DLX4: variants seen among roughly 807,000 people sequenced by gnomAD.
DLX4 encodes homeobox protein DLX-4.
Under a neutral mutation model 17.1 loss-of-function variants are expected in DLX4, and 13 were observed. That is an observed-to-expected ratio of 0.76 (90% CI 0.49 to 1.21). The LOEUF (loss-of-function observed/expected upper bound fraction) is 1.21. DLX4 is among the 50% of genes most tolerant of loss of function. DLX4 has a pLI of 0.00. For synonymous variants in DLX4, 129 were observed against 140.3 expected (o/e 0.92, Z 0.57); for missense variants, 297 against 301.4 (o/e 0.99, Z 0.11).
chr17:49,968,854 A>G (rs981383165), upstream of DLX4: 1 of 152,278 alleles, frequency 6.6e-6, no homozygotes, highest in Non-Finnish European at 1.5e-5. Flanking sequence ...GATCCCCGAA[A>G]TCGGGAGACT....
At chr17:49,970,412 C>G (rs1159580294) in intron 1 of DLX4, among the ~76,000 whole-genome samples, 1 of 152,220 alleles carries the variant, frequency 6.6e-6, no homozygotes, top group Non-Finnish European at 1.5e-5. Flanking sequence ...GCTCATCTCT[C>G]CCTGACTACC....
intron 1 of DLX4, 98 bp downstream of exon 1, chr17:49,969,849 C>G: frequency 9.6e-7 from 1 of 1,040,268 alleles, no homozygotes; most frequent in Non-Finnish European, 1.2e-6. Context: ...TAGCGGGATT[C>G]AAACCTTCCT....
In DLX4 at chr17:49,969,486, C is replaced by A. The variant is rs754849816; in HGVS notation, c.18C>A (p.Cys6Ter). Residue 6 changes from cysteine (C) to a stop codon, truncating the protein, a stop_gained, in exon 1 of 3, where the codon TGC becomes TGA. Coordinates refer to ENST00000240306, the MANE Select transcript of DLX4 (RefSeq NM_138281.3). LOFTEE classifies it high-confidence loss of function. MTSLP[C>*]PLPGRDASKA... ...TGGCCACAATGACCTCTTTGCCCTG[C>A]CCCCTCCCCGGCCGGGACGCCTCCA... 1.3e-5 allele frequency: 20 copies of A among 1,594,216 alleles called. No homozygotes were observed. In the Admixed American group the frequency reaches 2.2e-4, roughly 18 times the overall value.
Position 49,973,964 on chromosome 17 carries a change from G to A in DLX4, c.*21G>A, listed in dbSNP as rs771379511. ...TGTGAATCTGGGGAAGGGCGGGTCA[G>A]GCCCACAGCCTTCCTGCAAAGCCCA... On this transcript the variant is annotated 3_prime_UTR_variant, in exon 3 of 3. Coordinates refer to ENST00000240306, the MANE Select transcript of DLX4 (RefSeq NM_138281.3). 7.6e-6 allele frequency: 12 copies of A among 1,581,096 alleles called. No homozygotes were observed. Among genetic ancestry groups the A allele is most frequent in the African/African-American group, 1.5e-5 (1 of 68,684 alleles).
At chr17:49,969,811 A>C in intron 1 of DLX4, 60 bp downstream of exon 1, 2 of 1,264,978 alleles carry the variant, frequency 1.6e-6, no homozygotes, top group East Asian at 4.5e-5. Flanking sequence ...GCGCCCCTAA[A>C]CTTCTCCCTC....
rs562491655 is a variant in DLX4 at position 49,972,768 on chromosome 17, G to T, written c.284-305G>T. 3.6e-6 allele frequency: 5 copies of T among 1,378,384 alleles called. No individual in the cohort carries two copies. The Admixed American group carries it at 1.4e-4, about 38-fold the overall frequency. 85.4% of individuals were successfully genotyped at this position (1,378,384 alleles called of 1,614,324 possible). A position where few individuals can be genotyped will look rare whatever the true frequency, so the allele number is the denominator to read the frequency against. Reference sequence around the variant, plus strand: ...CGTGGCTGAACTCCGACCTCCCACCGCAGGCGCCGCGGTACCCTGGCTGTG... The same window carrying T: ...CGTGGCTGAACTCCGACCTCCCACCTCAGGCGCCGCGGTACCCTGGCTGTG... On this transcript the variant is annotated intron_variant, in intron 1 of 2. Coordinates refer to ENST00000240306, the MANE Select transcript of DLX4 (RefSeq NM_138281.3). This position sits in a 1 kb window ranked among gnomAD's most constrained non-coding sequence, Gnocchi z 5.4.
rs767013351 is a variant in DLX4, at chr17:49,969,732, C to A, written c.264C>A (p.His88Gln). 3 of 1,596,888 alleles carry A rather than the reference C, an allele frequency of 1.9e-6. No individual in the cohort carries two copies. The highest frequency in any genetic ancestry group is 1.1e-5 in the South Asian group (1 of 90,606). ...AGCCCCTCTGCGGACCTGCAGAGCACCCTCAGGAACTCGAGGCAGGTAAGT... is the reference window on the plus strand; with the variant it reads ...AGCCCCTCTGCGGACCTGCAGAGCAACCTCAGGAACTCGAGGCAGGTAAGT... ...LSQPLCGPAE[H>Q]PQELEADSEK... The change falls in exon 1 of 3, where the codon CAC becomes CAA. Residue 88 changes from histidine (H) to glutamine (Q), a missense_variant. Physicochemically the swap from His to Gln is conservative, Grantham distance 24. Coordinates refer to ENST00000240306, the MANE Select transcript of DLX4 (RefSeq NM_138281.3).
At chr17:49,971,575 C>G (rs2144159835) in intron 1 of DLX4, among the ~76,000 whole-genome samples, 1 of 152,088 alleles carries the variant, frequency 6.6e-6, no homozygotes, top group Non-Finnish European at 1.5e-5. Context: ...AGGGGGTCTG[C>G]TGGGAGAGTT....
At chr17:49,973,371 C>T (rs755235771) in intron 2 of DLX4, 102 bp downstream of exon 2, 22 of 1,475,524 alleles carry the variant, frequency 1.5e-5, no homozygotes, top group Non-Finnish European at 2.0e-5. Context: ...GGTGCTGTGG[C>T]CCTGTTGTCA....
rs1268606283 is a variant in DLX4 at position 49,973,279 on chromosome 17, G to A, written c.480+10G>A. On this transcript the variant is annotated intron_variant, in intron 2 of 2. Coordinates refer to ENST00000240306, the MANE Select transcript of DLX4 (RefSeq NM_138281.3). ...CCTCACCCAGACCCAGGTGGGGCCA[G>A]TGTCGTCCTTCCCCATCTCTCACCT... is the stretch of plus-strand genomic sequence containing the variant. 14 of 1,612,948 alleles carry A rather than the reference G, an allele frequency of 8.7e-6. No homozygotes were observed. Among genetic ancestry groups the A allele is most frequent in the South Asian group, 1.1e-5 (1 of 91,056 alleles).
rs774177303 is a variant in DLX4, at chr17:49,973,146, G to C, written c.357G>C (p.Lys119Asn). 6.2e-7 allele frequency: 1 copy of C among 1,614,176 alleles called. No homozygotes were observed. The highest frequency in any genetic ancestry group is 1.6e-4 in the Middle Eastern group (1 of 6,062). The change falls in exon 2 of 3, where the codon AAG (lysine) becomes AAC (asparagine). Residue 119 changes from lysine to asparagine, a missense_variant. By Grantham distance (94) the Lys-to-Asn change is moderately conservative. Transcript: ENST00000240306. Reference protein sequence around the residue: ...RPQAPAKKLRKPRTIYSSLQL... With the variant: ...RPQAPAKKLRNPRTIYSSLQL... ...AGGCCCCCGCCAAAAAGCTCCGCAAGCCGAGGACCATCTACTCCAGCCTGC... is the reference window on the plus strand; with the variant it reads ...AGGCCCCCGCCAAAAAGCTCCGCAACCCGAGGACCATCTACTCCAGCCTGC...
At chr17:49,969,093 C>T (rs556623048), upstream of DLX4, 12 of 215,948 alleles carry the variant, frequency 5.6e-5, no homozygotes, top group Non-Finnish European at 9.9e-5. Context: ...CACTTCTCTA[C>T]AGCGGGCTGT....
chr17:49,970,306 G>C (rs1003913362), intron 1 of DLX4, among the ~76,000 whole-genome samples: 1 of 152,190 alleles, frequency 6.6e-6, no homozygotes, highest in African/African-American at 2.4e-5. Flanking sequence ...CTCAGACCAG[G>C]CCTGACCTTG....
At chr17:49,973,480 G>T in intron 2 of DLX4, 1 of 973,154 alleles carries the variant, frequency 1.0e-6, no homozygotes, top group Non-Finnish European at 1.5e-6. Flanking sequence ...GAGTGGGTCA[G>T]GAAGAGGAGG....
At chr17:49,973,647 T>G in intron 2 of DLX4, 54 bp from the exon 3 acceptor site, 20 of 1,494,398 alleles carry the variant, frequency 1.3e-5, no homozygotes, top group Non-Finnish European at 1.8e-5. Context: ...CCTCGAAACT[T>G]TTCACACATA....
chr17:49,971,353 G>C (rs1905496235), intron 1 of DLX4, among the ~76,000 whole-genome samples: 1 of 152,170 alleles, frequency 6.6e-6, no homozygotes, highest in African/African-American at 2.4e-5. Context: ...ATGTGATCGA[G>C]AGCTTGGGGT....
Position 49,969,474 on chromosome 17 carries a change from C to T in DLX4, c.6C>T (p.Thr2=), listed in dbSNP as rs1905421451. The change falls in exon 1 of 3, where the codon ACC becomes ACT. Residue 2 remains threonine, a synonymous_variant. Coordinates refer to ENST00000240306, the MANE Select transcript of DLX4 (RefSeq NM_138281.3). M[T]SLPCPLPGRD... ...CTGCCCGGGCCCTGGCCACAATGAC[C>T]TCTTTGCCCTGCCCCCTCCCCGGCC... is the stretch of plus-strand genomic sequence containing the variant. 1 of 1,576,520 alleles carries T rather than the reference C, an allele frequency of 6.3e-7. No individual in the cohort carries two copies.
Position 49,969,441 on chromosome 17 carries a change from T to C in DLX4, c.-28T>C, listed in dbSNP as rs202019671. On this transcript the variant is annotated 5_prime_UTR_variant, in exon 1 of 3. The change abolishes an upstream ATG in the 5' untranslated region. Coordinates refer to ENST00000240306, the MANE Select transcript of DLX4 (RefSeq NM_138281.3). The stretch of plus-strand genomic sequence containing the variant: ...CGGGAGCGGACTACGTGCCGGGCCA[T>C]GGCCCTTCTGCCCGGGCCCTGGCCA... The C allele has an allele frequency of 4.9e-4, 743 of 1,508,842 alleles. 10 individuals carry two copies. In the East Asian group the frequency reaches 0.016, roughly 33 times the overall value. 93.5% of individuals were successfully genotyped at this position (1,508,842 alleles called of 1,614,324 possible).
In DLX4 at chr17:49,969,764, G is replaced by A. The variant is rs190649063; in HGVS notation, c.283+13G>A. The stretch of plus-strand genomic sequence containing the variant: ...GAACTCGAGGCAGGTAAGTTCGGCC[G>A]TGGAGGCTCTTCCCACCTCTGGGGT... On this transcript the variant is annotated intron_variant, in intron 1 of 2. Transcript: ENST00000240306. The A allele has an allele frequency of 2.6e-4, 416 of 1,575,924 alleles. 1 individual carries two copies. In the Middle Eastern group the frequency reaches 2.7e-3, roughly 10 times the overall value.
Sources: gnomAD v4.1 joint callset for allele counts (sites outside exome capture counted in the v4.1 genomes callset) on GRCh38, gnomAD v4.1.1 for gene constraint, Gnocchi (gnomAD v3.1) non-coding constraint, MANE v1.5 for transcripts, NCBI Gene and HGNC (gene_info 2026-07-23, HGNC 2026-07-21) for gene names.